PCDHA8: variants seen among roughly 807,000 people sequenced by gnomAD.
PCDHA8 encodes protocadherin alpha-8.
A neutral mutation model predicts 61.8 loss-of-function variants in PCDHA8; 53 were observed. The ratio of observed to expected loss-of-function variants is 0.86; its 90% CI spans 0.69 to 1.08. The LOEUF (loss-of-function observed/expected upper bound fraction) is 1.08. Among genes scored for constraint, PCDHA8 ranks in the 50% least tolerant of loss-of-function variants. The probability of loss-of-function intolerance (pLI) is 0.00; values close to 1 mark genes in which losing one functional copy is unlikely to be tolerated. For synonymous variants in PCDHA8, 618 were observed against 556.6 expected (o/e 1.11, Z -1.55); for missense variants, 1,293 against 1,245.0 (o/e 1.04, Z -0.58).
chr5:140,877,087 G>C lies in PCDHA8; in HGVS notation c.2394+33372G>C. On this transcript the variant is annotated intron_variant, in intron 1 of 3. Transcript: ENST00000531613. ...GCTGCAGTTCCAGGTGAGCGCGCGC[G>C]ACGCCGGCGTGCCGCCTCTGGGCAG... 2.5e-6 allele frequency: 4 copies of C among 1,613,212 alleles called. No homozygotes were observed. The South Asian group carries it at 3.3e-5, about 13-fold the overall frequency.
At chr5:140,846,705 G>A (rs1780632800) in intron 1 of PCDHA8, among the ~76,000 whole-genome samples, 1 of 149,244 alleles carries the variant, frequency 6.7e-6, no homozygotes, top group Non-Finnish European at 1.5e-5. Context: ...AGAGAAGATT[G>A]TAATAACCAG....
intron 3 of PCDHA8, 149 bp downstream of exon 3, chr5:140,982,712 T>C: frequency 7.3e-7 from 1 of 1,373,964 alleles, no homozygotes; most frequent in Non-Finnish European, 9.6e-7. Context: ...TCCTTACATA[T>C]ATGATTATTT....
At chr5:140,901,922 G>A (rs2068984254) in intron 1 of PCDHA8, among the ~76,000 whole-genome samples, 2 of 151,732 alleles carry the variant, frequency 1.3e-5, no homozygotes. Flanking sequence ...TCACTTCTTT[G>A]GTTAATTCCT....
At chr5:140,884,317 G>C (rs1401667312) in intron 1 of PCDHA8, 15 of 1,613,780 alleles carry the variant, frequency 9.3e-6, no homozygotes, top group Non-Finnish European at 1.3e-5. Context: ...CGAGGGCGTC[G>C]GCAGGCGCTG....
chr5:140,946,631 T>TATATATATATATATATATACAC lies in PCDHA8; in HGVS notation c.2395-32317_2395-32316insTATATATATATATATATACACA, dbSNP rs57893927. Among the ~76,000 whole-genome samples the TATATATATATATATATATACAC allele has an allele frequency of 6.1e-4, 80 of 131,840 alleles. 1 individual carries two copies. The East Asian group carries it at 6.6e-3, about 11-fold the overall frequency. The allele number at this position is 131,840 out of a possible 152,430, so 86.5% of individuals were successfully genotyped here. A position where few individuals can be genotyped will look rare whatever the true frequency, so the allele number is the denominator to read the frequency against. ...TGTGAAATATATATATATATATATATACAATGGAATACTCATCAGCCATTA... is the reference window on the plus strand; with the variant it reads ...TGTGAAATATATATATATATATATATATATATATATATATATATACACACAATGGAATACTCATCAGCCATTA... On this transcript the variant is annotated intron_variant, in intron 1 of 3. Transcript: ENST00000531613.
chr5:141,011,745 A>G lies in PCDHA8; in HGVS notation c.*1808A>G, dbSNP rs1378591918. 3 of 153,762 alleles carry G rather than the reference A, an allele frequency of 2.0e-5. No individual in the cohort carries two copies. The highest frequency in any genetic ancestry group is 1.9e-4 in the East Asian group (1 of 5,196). 9.5% of individuals were successfully genotyped at this position (153,762 alleles called of 1,614,324 possible). ...GGGTGTGCAAGCACAAATTTTACCA[A>G]TCTGACCTCTTTGAAGTTGCAGAAT... On this transcript the variant is annotated 3_prime_UTR_variant, in exon 4 of 4. Coordinates refer to ENST00000531613, the MANE Select transcript of PCDHA8 (RefSeq NM_018911.3).
intron 1 of PCDHA8, among the ~76,000 whole-genome samples, chr5:140,964,392 C>A (rs2095829219): frequency 6.6e-6 from 1 of 152,072 alleles, no homozygotes; most frequent in African/African-American, 2.4e-5. Flanking sequence ...GGTTTTTCTC[C>A]CAAGACATGA....
At chr5:140,902,861 G>A (rs782302668) in intron 1 of PCDHA8, among the ~76,000 whole-genome samples, 21 of 152,088 alleles carry the variant, frequency 1.4e-4, no homozygotes, top group Admixed American at 5.2e-4. Context: ...TGGCGTCCAG[G>A]TCCACCCAAG....
At chr5:140,981,128 G>A (rs1340714771) in intron 2 of PCDHA8, among the ~76,000 whole-genome samples, 1 of 152,214 alleles carries the variant, frequency 6.6e-6, no homozygotes, top group Non-Finnish European at 1.5e-5. Flanking sequence ...GTTGTTTGAA[G>A]TCAAAGAGTG....
Position 140,869,241 on chromosome 5 carries a change from C to T in PCDHA8, c.2394+25526C>T, listed in dbSNP as rs782686549. 1.9e-6 allele frequency: 3 copies of T among 1,613,628 alleles called. No homozygotes were observed. In the South Asian group the frequency reaches 3.3e-5, roughly 18 times the overall value. ...AGGCCAAACACGGCACCTTCGTGGGCCGCATCGCGCAGGACCTGGGGCTGG... is the reference window on the plus strand; with the variant it reads ...AGGCCAAACACGGCACCTTCGTGGGTCGCATCGCGCAGGACCTGGGGCTGG... On this transcript the variant is annotated intron_variant, in intron 1 of 3. Transcript: ENST00000531613.
At chr5:140,848,426 G>A in intron 1 of PCDHA8, 1 of 1,449,988 alleles carries the variant, frequency 6.9e-7, no homozygotes, top group Non-Finnish European at 9.4e-7. Context: ...GAATGGGACT[G>A]ACGAAATCAG....
At chr5:140,907,927 T>C (rs970960629) in intron 1 of PCDHA8, among the ~76,000 whole-genome samples, 14 of 152,220 alleles carry the variant, frequency 9.2e-5, no homozygotes, top group Admixed American at 9.2e-4. Flanking sequence ...GAGAGGTCCA[T>C]TCACATACCT....
chr5:140,895,914 A>G (rs570826611), intron 1 of PCDHA8, among the ~76,000 whole-genome samples: 43 of 152,162 alleles, frequency 2.8e-4, no homozygotes, highest in Non-Finnish European at 1.3e-4. Flanking sequence ...CGGGCTCAAC[A>G]ATTATCCTGC....
chr5:140,955,585 T>G (rs1438222402), intron 1 of PCDHA8, among the ~76,000 whole-genome samples: 1 of 152,198 alleles, frequency 6.6e-6, no homozygotes, highest in African/African-American at 2.4e-5. Context: ...CAATTAAACC[T>G]CTTTCTTTTA....
intron 1 of PCDHA8, chr5:140,968,976 A>G (rs1410286561): frequency 2.5e-6 from 4 of 1,614,074 alleles, no homozygotes; most frequent in African/African-American, 1.3e-5. Flanking sequence ...TACACTGCGT[A>G]TGGCACTGCA....
rs1316555766 is a variant in PCDHA8, at chr5:141,011,101, T to C, written c.*1164T>C. 1.3e-5 allele frequency: 2 copies of C among 153,710 alleles called. No homozygotes were observed. The highest frequency in any genetic ancestry group is 2.9e-5 in the Non-Finnish European group (2 of 68,016). The allele number at this position is 153,710 out of a possible 1,614,324, so 9.5% of individuals were successfully genotyped here. A position where few individuals can be genotyped will look rare whatever the true frequency, so the allele number is the denominator to read the frequency against. On this transcript the variant is annotated 3_prime_UTR_variant, in exon 4 of 4. Coordinates refer to ENST00000531613, the MANE Select transcript of PCDHA8 (RefSeq NM_018911.3). ...AATGATCTCTCTTTCTCTCTCTCTC[T>C]CTCTTTTCTAAGAAACAATTATGTG...
chr5:140,987,536 A>G (rs555442118), intron 3 of PCDHA8, among the ~76,000 whole-genome samples: 126 of 152,290 alleles, frequency 8.3e-4, no homozygotes, highest in Non-Finnish European at 1.6e-3. Context: ...TCCTGGGACC[A>G]TTACTTAACT....
In PCDHA8 at chr5:140,857,009, G is replaced by T; in HGVS notation, c.2394+13294G>T. 2 of 1,596,020 alleles carry T rather than the reference G, an allele frequency of 1.3e-6. 1 individual carries two copies. The highest frequency in any genetic ancestry group is 1.7e-6 in the Non-Finnish European group (2 of 1,165,702). On this transcript the variant is annotated intron_variant, in intron 1 of 3. Transcript: ENST00000531613. ...TAACACTTATGAAATTCATGTAGAT[G>T]TTACAGATAAGGGAAACCCACCTAT...
intron 1 of PCDHA8, among the ~76,000 whole-genome samples, chr5:140,855,406 C>T (rs2043455181): frequency 6.7e-6 from 1 of 149,796 alleles, no homozygotes; most frequent in Non-Finnish European, 1.5e-5. Context: ...GATGTTGAAG[C>T]TAATGATCTC....
Sources: allele counts gnomAD v4.1 joint callset (sites outside exome capture counted in the v4.1 genomes callset), GRCh38; gene constraint gnomAD v4.1.1; transcripts MANE v1.5; gene names NCBI Gene and HGNC (gene_info 2026-07-23, HGNC 2026-07-21).